The following ZBTB44 variants were observed in gnomAD, a reference collection of about 807,000 sequenced individuals.
The protein encoded by ZBTB44 is zinc finger and BTB domain containing 44.
In ZBTB44, 15 loss-of-function variants were observed where a neutral mutation model predicts 54.0. The ratio of observed to expected loss-of-function variants is 0.28; its 90% CI spans 0.19 to 0.43. The LOEUF is 0.43. ZBTB44 is among the 20% of genes least tolerant of loss of function. The pLI is 1.00. For missense variants in ZBTB44, 487 were observed against 707.1 expected (o/e 0.69, Z 3.53); for synonymous variants, 230 against 250.1 (o/e 0.92, Z 0.76).
chr11:130,262,894 C>CAA (rs141984109), intron 1 of ZBTB44, among the ~76,000 whole-genome samples: 28 of 152,164 alleles, frequency 1.8e-4, no homozygotes, highest in African/African-American at 2.7e-4. Flanking sequence ...CCTGTCTCTA[C>CAA]AAAAAAACAC....
chr11:130,284,045 A>C (rs77686202), intron 1 of ZBTB44, among the ~76,000 whole-genome samples: 1 of 149,154 alleles, frequency 6.7e-6, no homozygotes, highest in Non-Finnish European at 1.5e-5. Context: ...CCAAGCACAT[A>C]TGGGAGGCTG....
chr11:130,311,245 C>T (rs1942583360), intron 1 of ZBTB44, among the ~76,000 whole-genome samples: 1 of 151,780 alleles, frequency 6.6e-6, no homozygotes, highest in African/African-American at 2.4e-5. Flanking sequence ...CTCACTCTGT[C>T]ATCCAGGCTG....
intron 2 of ZBTB44, among the ~76,000 whole-genome samples, chr11:130,252,607 T>C (rs1281340283): frequency 6.6e-6 from 1 of 152,042 alleles, no homozygotes; most frequent in African/African-American, 2.4e-5. Context: ...AAATTAGAAC[T>C]CAGGATTAAG....
rs1176025590 is a variant in ZBTB44, at chr11:130,228,560, T to A, written c.*3204A>T. On this transcript the variant is annotated 3_prime_UTR_variant, in exon 8 of 8. Transcript: ENST00000357899. ...TAAGAACTGCAGGAAAGGCTTCCCA[T>A]CTTGAACACAGCTTCCACTAATACC... 2.0e-5 allele frequency: 3 copies of A among 152,152 alleles called. No individual in the cohort carries two copies. Among genetic ancestry groups the A allele is most frequent in the Non-Finnish European group, 4.4e-5 (3 of 68,012 alleles). The allele number at this position is 152,152 out of a possible 1,614,324, so 9.4% of individuals were successfully genotyped here. A position where few individuals can be genotyped will look rare whatever the true frequency, so the allele number is the denominator to read the frequency against.
At chr11:130,237,705 T>C (rs1008188978) in intron 4 of ZBTB44, among the ~76,000 whole-genome samples, 3 of 152,170 alleles carry the variant, frequency 2.0e-5, no homozygotes, top group African/African-American at 7.2e-5. Flanking sequence ...TTTAAAACCT[T>C]TCAAAACACA....
chr11:130,230,434 T>TG lies in ZBTB44; in HGVS notation c.*1329dup, dbSNP rs1555160017. ...GAAAGTTTTTTTTTTTTTTTTTTTT[T>TG]GCTAGTTATTAAGAACAAAGGGCAT... On this transcript the variant is annotated 3_prime_UTR_variant, in exon 8 of 8. Transcript: ENST00000357899. The TG allele has an allele frequency of 0.018, 2,550 of 145,026 alleles. 83 individuals are homozygous for TG. The highest frequency in any genetic ancestry group is 0.061 in the African/African-American group (2,353 of 38,348). 9.0% of individuals were successfully genotyped at this position (145,026 alleles called of 1,614,324 possible).
In ZBTB44 at chr11:130,250,997, C is replaced by A. The variant is rs912184293; in HGVS notation, c.1018+9859G>T. On this transcript the variant is annotated intron_variant, in intron 2 of 7. Transcript: ENST00000357899. ...GTCGGTAATAACAAACTCCTCTCCA[C>A]TAACGGAGCATGTTCTATCTCACCC... Among the ~76,000 whole-genome samples the A allele has an allele frequency of 2.0e-5, 3 of 152,306 alleles. No individual in the cohort carries two copies. The East Asian group carries it at 5.8e-4, about 29-fold the overall frequency.
In ZBTB44 at chr11:130,261,906, G is replaced by A. The variant is rs754879446; in HGVS notation, c.-33C>T. On this transcript the variant is annotated 5_prime_UTR_variant, in exon 2 of 8. Transcript: ENST00000357899. The surrounding 1 kb of genome is among the most constrained non-coding windows in gnomAD (Gnocchi z 4.8). ...TTCCTCTTCTACAGATGCTCTTCAAGGATGCAAATAAATCAGAAATGTCCT... is the reference window on the plus strand; with the variant it reads ...TTCCTCTTCTACAGATGCTCTTCAAAGATGCAAATAAATCAGAAATGTCCT... The A allele has an allele frequency of 4.5e-6, 7 of 1,543,122 alleles. No individual in the cohort carries two copies. In the Admixed American group the frequency reaches 1.4e-4, roughly 31 times the overall value.
At chr11:130,281,903 C>A (rs1208715410) in intron 1 of ZBTB44, among the ~76,000 whole-genome samples, 2 of 152,150 alleles carry the variant, frequency 1.3e-5, no homozygotes, top group South Asian at 2.1e-4. Flanking sequence ...CCGCGCCCGG[C>A]CTATTGTTTT....
At position 130,238,505 on chromosome 11, in the gene ZBTB44, T is replaced by A; in HGVS notation, c.1206A>T (p.Pro402=). 1 of 1,610,792 alleles carries A rather than the reference T, an allele frequency of 6.2e-7. No individual in the cohort carries two copies. The highest frequency in any genetic ancestry group is 8.5e-7 in the Non-Finnish European group (1 of 1,178,538). The change falls in exon 4 of 8, where the codon CCA becomes CCT. Residue 402 remains proline, a synonymous_variant. Transcript: ENST00000357899. ...PNGPDRPFQC[P]TCGVRFTRIQ... is the part of the protein sequence containing the mutation. ...TACGGGTGAATCGCACCCCGCAGGT[T>A]GGACACTGAAAAGGTCTGTCGGGAC...
At position 130,303,402 on chromosome 11, in the gene ZBTB44, G is replaced by A. The variant is rs143328503; in HGVS notation, c.-57+10973C>T. Among the ~76,000 whole-genome samples, 801 of 152,336 alleles carry A rather than the reference G, an allele frequency of 5.3e-3. 4 individuals carry two copies. The highest frequency in any genetic ancestry group is 8.4e-3 in the Non-Finnish European group (570 of 68,030). ...TTTAATCCCGGCACTTTAGGAGGCC[G>A]AGGTGGGTGGATCACCTGAGGCTGG... On this transcript the variant is annotated intron_variant, in intron 1 of 7. Coordinates refer to ENST00000357899, the MANE Select transcript of ZBTB44 (RefSeq NM_001301098.2).
chr11:130,312,553 G>T (rs892385885), intron 1 of ZBTB44, among the ~76,000 whole-genome samples: 2 of 152,150 alleles, frequency 1.3e-5, no homozygotes, highest in Non-Finnish European at 2.9e-5. Flanking sequence ...CATTAGGAGG[G>T]CACAAATCCA....
intron 2 of ZBTB44, among the ~76,000 whole-genome samples, chr11:130,240,716 G>C (rs1317468032): frequency 6.6e-6 from 1 of 152,066 alleles, no homozygotes; most frequent in Non-Finnish European, 1.5e-5. Context: ...AGCTTCTTAT[G>C]GTTATCATTT....
At chr11:130,281,885 G>A (rs1303431740) in intron 1 of ZBTB44, among the ~76,000 whole-genome samples, 3 of 152,158 alleles carry the variant, frequency 2.0e-5, no homozygotes, top group East Asian at 1.9e-4. Flanking sequence ...GATTATAGGC[G>A]TGAGCCACCG....
chr11:130,284,051 G>C (rs569629318), intron 1 of ZBTB44, among the ~76,000 whole-genome samples: 2 of 150,258 alleles, frequency 1.3e-5, no homozygotes, highest in Non-Finnish European at 2.9e-5. Context: ...ACATATGGGA[G>C]GCTGAGGTGG....
chr11:130,296,545 T>G, intron 1 of ZBTB44: 2 of 897,442 alleles, frequency 2.2e-6, no homozygotes, highest in South Asian at 1.5e-5. Context: ...TTGTTCACTA[T>G]GACCATCCGG....
Position 130,237,179 on chromosome 11 carries a change from T to C in ZBTB44, c.1268-86A>G, listed in dbSNP as rs1263945636. On this transcript the variant is annotated intron_variant, in intron 4 of 7. Transcript: ENST00000357899. ...TACAAATTTCTGAACTATATTTCTG[T>C]AGCAACAGATCATCTGAAAAGGCAA... 2.3e-6 allele frequency: 3 copies of C among 1,276,696 alleles called. No homozygotes were observed. The African/African-American group carries it at 4.6e-5, about 20-fold the overall frequency. 79.1% of individuals were successfully genotyped at this position (1,276,696 alleles called of 1,614,324 possible).
chr11:130,286,415 A>C (rs1940965433), intron 1 of ZBTB44, among the ~76,000 whole-genome samples: 1 of 152,182 alleles, frequency 6.6e-6, no homozygotes, highest in African/African-American at 2.4e-5. Flanking sequence ...GAAACTTACT[A>C]CCTGAAATTT....
chr11:130,283,793 C>T (rs1359955596), intron 1 of ZBTB44, among the ~76,000 whole-genome samples: 1 of 150,840 alleles, frequency 6.6e-6, no homozygotes, highest in African/African-American at 2.4e-5. Flanking sequence ...TGGTGAAATC[C>T]CATCTCTACT....
Sources: allele counts gnomAD v4.1 joint callset (sites outside exome capture counted in the v4.1 genomes callset), GRCh38; gene constraint gnomAD v4.1.1; non-coding constraint Gnocchi (gnomAD v3.1); transcripts MANE v1.5; gene names NCBI Gene and HGNC (gene_info 2026-07-23, HGNC 2026-07-21).